The following SLC24A4 variants were observed in gnomAD, a reference collection of about 807,000 sequenced individuals.
SLC24A4 encodes solute carrier family 24 member 4.
Under a neutral mutation model 79.0 loss-of-function variants are expected in SLC24A4, and 53 were observed. The ratio of observed to expected loss-of-function variants is 0.67; its 90% CI spans 0.54 to 0.84. The LOEUF is 0.84. Ranked by LOEUF, SLC24A4 falls within the 40% of genes least tolerant of loss-of-function variation. SLC24A4 has a pLI of 0.00. For synonymous variants in SLC24A4, 323 were observed against 323.8 expected, an observed-to-expected ratio of 1.00 and a Z score of 0.03; for missense variants, 731 against 822.0, an observed-to-expected ratio of 0.89 and a Z score of 1.35.
intron 2 of SLC24A4, among the ~76,000 whole-genome samples, chr14:92,389,589 A>G (rs905943855): frequency 2.6e-5 from 4 of 152,140 alleles, no homozygotes; most frequent in African/African-American, 9.6e-5. Context: ...CCTGTCCCCC[A>G]TGAAGTCCTG....
intron 2 of SLC24A4, among the ~76,000 whole-genome samples, chr14:92,432,122 C>T (rs1891908891): frequency 1.3e-5 from 2 of 152,106 alleles, no homozygotes; most frequent in Admixed American, 1.3e-4. Context: ...CTGCCAGTGA[C>T]CACTGTCTTT....
At chr14:92,326,060 C>T in intron 2 of SLC24A4, 82 bp downstream of exon 2, 1 of 962,864 alleles carries the variant, frequency 1.0e-6, no homozygotes, top group Non-Finnish European at 1.6e-6. Flanking sequence ...GTGGTTACAG[C>T]CAGAGCTGAG....
chr14:92,447,487 T>C (rs1892868408), intron 9 of SLC24A4, 63 bp downstream of exon 9: 9 of 1,471,762 alleles, frequency 6.1e-6, no homozygotes, highest in Non-Finnish European at 8.6e-6. Flanking sequence ...CTACAGCCTT[T>C]TGTGACAGCA....
At chr14:92,414,380 C>T (rs1890874054) in intron 2 of SLC24A4, among the ~76,000 whole-genome samples, 1 of 152,142 alleles carries the variant, frequency 6.6e-6, no homozygotes. Flanking sequence ...TCTCACACTA[C>T]CTGTGGTGAA....
At chr14:92,332,297 A>C (rs1885525854) in intron 2 of SLC24A4, among the ~76,000 whole-genome samples, 1 of 152,192 alleles carries the variant, frequency 6.6e-6, no homozygotes. Context: ...AACAAAAAAC[A>C]AAAAACCAAT....
At chr14:92,379,054 C>T (rs1002734637) in intron 2 of SLC24A4, among the ~76,000 whole-genome samples, 4 of 152,010 alleles carry the variant, frequency 2.6e-5, no homozygotes, top group African/African-American at 4.8e-5. Flanking sequence ...AGTGGGAGAC[C>T]CTGCCTCTAA....
At chr14:92,483,466 A>T (rs1895177911) in intron 13 of SLC24A4, among the ~76,000 whole-genome samples, 1 of 152,168 alleles carries the variant, frequency 6.6e-6, no homozygotes. Context: ...CCAGGTATTG[A>T]TCTCCTAAGC....
intron 12 of SLC24A4, among the ~76,000 whole-genome samples, chr14:92,480,612 G>A (rs1028223984): frequency 2.6e-5 from 4 of 151,986 alleles, no homozygotes; most frequent in African/African-American, 7.3e-5. Context: ...TTTAATATAG[G>A]TATTTTACGG....
intron 2 of SLC24A4, among the ~76,000 whole-genome samples, chr14:92,351,236 G>GCGCGCGCACACA (rs112120101): frequency 0.023 from 3,320 of 147,028 alleles, 56 homozygotes; most frequent in Middle Eastern, 0.097. Flanking sequence ...ACACATACAC[G>GCGCGCGCACACA]CACACACACA....
At chr14:92,359,139 G>A (rs1205857087) in intron 2 of SLC24A4, among the ~76,000 whole-genome samples, 1 of 152,138 alleles carries the variant, frequency 6.6e-6, no homozygotes, top group Non-Finnish European at 1.5e-5. Flanking sequence ...GCCTAGCCCA[G>A]GGGGCTTGTC....
chr14:92,342,468 C>T (rs920206566), intron 2 of SLC24A4, among the ~76,000 whole-genome samples: 4 of 152,200 alleles, frequency 2.6e-5, no homozygotes, highest in African/African-American at 9.6e-5. Flanking sequence ...ACTGCAACCT[C>T]TGCCTCCCGG....
At chr14:92,468,375 C>A (rs1894236166) in intron 12 of SLC24A4, among the ~76,000 whole-genome samples, 1 of 152,008 alleles carries the variant, frequency 6.6e-6, no homozygotes, top group Non-Finnish European at 1.5e-5. Flanking sequence ...TTATCAAAAC[C>A]CCAGCTGACT....
chr14:92,385,152 C>T (rs1422629562), intron 2 of SLC24A4, among the ~76,000 whole-genome samples: 1 of 152,238 alleles, frequency 6.6e-6, no homozygotes, highest in Non-Finnish European at 1.5e-5. Context: ...CTCGCCTTAA[C>T]TCTTAGCACC....
At position 92,438,549 on chromosome 14, in the gene SLC24A4, T is replaced by C. The variant is rs1045020673; in HGVS notation, c.319-786T>C. On this transcript the variant is annotated intron_variant, in intron 3 of 16. Coordinates refer to ENST00000532405, the MANE Select transcript of SLC24A4 (RefSeq NM_153646.4). Reference sequence around the variant, plus strand: ...GTGGGAGGATGATGAGCCCACGAGGTAGAGGCCACAGTGAGCCAAGATGGC... The same window carrying C: ...GTGGGAGGATGATGAGCCCACGAGGCAGAGGCCACAGTGAGCCAAGATGGC... 5.3e-5 allele frequency among the ~76,000 whole-genome samples: 8 copies of C among 152,022 alleles called. 1 individual carries two copies. The highest frequency in any genetic ancestry group is 4.6e-4 in the Admixed American group (7 of 15,250).
chr14:92,329,315 C>T (rs1885333426), intron 2 of SLC24A4, among the ~76,000 whole-genome samples: 1 of 152,264 alleles, frequency 6.6e-6, no homozygotes, highest in South Asian at 2.1e-4. Flanking sequence ...TCATGCTCAT[C>T]TTTACCTGTG....
intron 2 of SLC24A4, among the ~76,000 whole-genome samples, chr14:92,343,614 T>C (rs1478344420): frequency 6.8e-5 from 10 of 146,066 alleles, no homozygotes; most frequent in South Asian, 2.3e-4. Context: ...CTTTCTTTCT[T>C]TCTTTCTTTC....
intron 14 of SLC24A4, among the ~76,000 whole-genome samples, chr14:92,489,768 G>T (rs907723708): frequency 8.5e-5 from 13 of 152,162 alleles, no homozygotes; most frequent in African/African-American, 3.1e-4. Flanking sequence ...AGCCCCGTTT[G>T]TGCAGAGCGG....
chr14:92,442,751 A>T lies in SLC24A4; in HGVS notation c.517A>T (p.Ile173Phe). The T allele has an allele frequency of 6.2e-7, 1 of 1,614,148 alleles. No individual in the cohort carries two copies. The highest frequency in any genetic ancestry group is 8.5e-7 in the Non-Finnish European group (1 of 1,179,992). The change falls in exon 6 of 17, where the codon ATC becomes TTC. Residue 173 changes from isoleucine (I) to phenylalanine (F), a missense_variant. By Grantham distance (21) the Ile-to-Phe change is conservative. Transcript: ENST00000532405. Reference sequence around the variant, plus strand: ...CCATGGGGACGTCGGGGTGGGCACCATCGTGGGCTCTGCTGTGTTCAACAT... The same window carrying T: ...CCATGGGGACGTCGGGGTGGGCACCTTCGTGGGCTCTGCTGTGTTCAACAT... ...ITHGDVGVGT[I>F]VGSAVFNILC... is the part of the protein sequence containing the mutation.
rs1892489234 is a variant in SLC24A4 at position 92,441,452 on chromosome 14, G to A, written c.394-637G>A. 6.6e-6 allele frequency among the ~76,000 whole-genome samples: 1 copy of A among 152,234 alleles called. No individual in the cohort carries two copies. Among genetic ancestry groups the A allele is most frequent in the Middle Eastern group, 3.2e-3 (1 of 316 alleles). ...ACCTCTGGGTCTTTGTGAGCCACTG[G>A]ATGTCAGGCCTGCCGTGGAGAAGGC... On this transcript the variant is annotated intron_variant, in intron 4 of 16. Transcript: ENST00000532405. This position sits in a 1 kb window ranked among gnomAD's most constrained non-coding sequence, Gnocchi z 4.6.
Sources: allele counts gnomAD v4.1 joint callset (sites outside exome capture counted in the v4.1 genomes callset), GRCh38; gene constraint gnomAD v4.1.1; non-coding constraint Gnocchi (gnomAD v3.1); transcripts MANE v1.5; gene names NCBI Gene and HGNC (gene_info 2026-07-23, HGNC 2026-07-21).